The following FRMD3 variants were observed in gnomAD, a reference collection of about 807,000 sequenced individuals.
FRMD3 encodes the protein FERM domain-containing protein 3.
A neutral mutation model predicts 70.2 loss-of-function variants in FRMD3; 33 were observed. That is an observed-to-expected ratio of 0.47 (90% CI 0.36 to 0.63). FRMD3 has a LOEUF of 0.63. Among genes scored for constraint, FRMD3 ranks in the 20% least tolerant of loss-of-function variants. The probability of loss-of-function intolerance (pLI) is 0.00; values close to 1 mark genes in which losing one functional copy is unlikely to be tolerated. For missense variants in FRMD3, 632 were observed against 711.4 expected, an observed-to-expected ratio of 0.89 and a Z score of 1.27; for synonymous variants, 279 against 255.9, an observed-to-expected ratio of 1.09 and a Z score of -0.86.
intron 1 of FRMD3, among the ~76,000 whole-genome samples, chr9:83,528,923 C>T (rs374278604): frequency 4.6e-5 from 7 of 152,028 alleles, no homozygotes; most frequent in Admixed American, 2.6e-4. Flanking sequence ...TTAAAATATT[C>T]GATTATTGAT....
chr9:83,582,426 T>C, the FRMD3 span, among the ~76,000 whole-genome samples: 1 of 152,266 alleles, frequency 6.6e-6, no homozygotes, highest in Non-Finnish European at 1.5e-5. Context: ...TTAAACTTGA[T>C]TTATTAGGGA....
intron 1 of FRMD3, among the ~76,000 whole-genome samples, chr9:83,438,356 GGA>G (rs1211962181): frequency 6.6e-6 from 1 of 152,130 alleles, no homozygotes; most frequent in African/African-American, 2.4e-5. Flanking sequence ...CGGTATTTAG[GGA>G]GAGTCACAAA....
rs1389386803 is a variant in FRMD3 at position 83,419,519 on chromosome 9, A to T, written c.148-29811T>A. 2.0e-5 allele frequency among the ~76,000 whole-genome samples: 3 copies of T among 148,000 alleles called. No homozygotes were observed. The South Asian group carries it at 6.5e-4, about 32-fold the overall frequency. ...TGTTCATGTGTGTTGAGTGTGTGTG[A>T]TATGTGTTCATGTGTGCTGAGTGTG... On this transcript the variant is annotated intron_variant, in intron 1 of 13. Coordinates refer to ENST00000304195, the MANE Select transcript of FRMD3 (RefSeq NM_174938.6).
At chr9:83,421,378 G>A (rs1375038933) in intron 1 of FRMD3, among the ~76,000 whole-genome samples, 2 of 152,202 alleles carry the variant, frequency 1.3e-5, no homozygotes, top group East Asian at 1.9e-4. Context: ...TCCTCATCAT[G>A]GCCTTGCAAT....
chr9:83,268,179 G>A (rs1259210188), intron 13 of FRMD3, among the ~76,000 whole-genome samples: 2 of 152,132 alleles, frequency 1.3e-5, no homozygotes, highest in African/African-American at 2.4e-5. Context: ...ATTTCAACAC[G>A]CCTGCATACA....
At chr9:83,415,553 C>T (rs7027700) in intron 1 of FRMD3, among the ~76,000 whole-genome samples, 2,232 of 150,866 alleles carry the variant, frequency 0.015, 54 homozygotes, top group African/African-American at 0.051. Context: ...CACCATACTC[C>T]TGCTTCAGCC....
intron 5 of FRMD3, among the ~76,000 whole-genome samples, chr9:83,342,733 T>TAGAA (rs1212687412): frequency 1.0e-5 from 1 of 98,658 alleles, no homozygotes; most frequent in East Asian, 2.6e-4. Context: ...GATAGATAGA[T>TAGAA]AGTTAGATAG....
In FRMD3 at chr9:83,312,875, G is replaced by C. The variant is rs115127829; in HGVS notation, c.684+785C>G. On this transcript the variant is annotated intron_variant, in intron 7 of 13. Transcript: ENST00000304195. ...GTGTTTCTAATGAGCAGCCCAAGCT[G>C]AGACCTATAGGACTAATGCTTTGCC... 7.7e-3 allele frequency among the ~76,000 whole-genome samples: 1,166 copies of C among 152,250 alleles called. 17 individuals carry two copies. The highest frequency in any genetic ancestry group is 0.026 in the African/African-American group (1,074 of 41,522).
intron 1 of FRMD3, among the ~76,000 whole-genome samples, chr9:83,413,885 C>T (rs545157496): frequency 6.6e-6 from 1 of 152,234 alleles, no homozygotes; most frequent in Admixed American, 6.5e-5. Flanking sequence ...TGTAGCCAGG[C>T]ATTGTCTATT....
intron 1 of FRMD3, among the ~76,000 whole-genome samples, chr9:83,490,645 G>A (rs1196374475): frequency 6.6e-6 from 1 of 152,034 alleles, no homozygotes; most frequent in African/African-American, 2.4e-5. Context: ...AGATTCGTAG[G>A]AAACTTGGAT....
At chr9:83,483,155 C>G (rs1828608003) in intron 1 of FRMD3, among the ~76,000 whole-genome samples, 1 of 152,204 alleles carries the variant, frequency 6.6e-6, no homozygotes, top group African/African-American at 2.4e-5. Context: ...TTTCCCCTTG[C>G]TGTTCTCGTG....
intron 1 of FRMD3, among the ~76,000 whole-genome samples, chr9:83,533,629 A>G (rs1829832946): frequency 6.6e-6 from 1 of 152,212 alleles, no homozygotes; most frequent in African/African-American, 2.4e-5. Flanking sequence ...GTTAGCACTC[A>G]TCCATTCAAC....
At chr9:83,318,304 C>T (rs1041651523) in intron 6 of FRMD3, among the ~76,000 whole-genome samples, 8 of 152,102 alleles carry the variant, frequency 5.3e-5, no homozygotes, top group Non-Finnish European at 8.8e-5. Flanking sequence ...TATGCCCATG[C>T]GTCTTCATTG....
At chr9:83,384,701 C>T (rs1825462192) in intron 2 of FRMD3, among the ~76,000 whole-genome samples, 1 of 152,130 alleles carries the variant, frequency 6.6e-6, no homozygotes, top group African/African-American at 2.4e-5. Context: ...ATCTGGTAGA[C>T]ATTAAGACAC....
chr9:83,247,090 A>G lies in FRMD3; in HGVS notation c.*828T>C, dbSNP rs1397707610. On this transcript the variant is annotated 3_prime_UTR_variant, in exon 14 of 14. Coordinates refer to ENST00000304195, the MANE Select transcript of FRMD3 (RefSeq NM_174938.6). ...CAGCCAAAATATACGGACAGAATAC[A>G]AATGAAAATAACAAGTCCTCTTGTC... is the stretch of plus-strand genomic sequence containing the variant. 7.1e-6 allele frequency: 7 copies of G among 985,332 alleles called. No individual in the cohort carries two copies. Among genetic ancestry groups the G allele is most frequent in the Non-Finnish European group, 1.2e-6 (1 of 829,936 alleles). 61.0% of individuals were successfully genotyped at this position (985,332 alleles called of 1,614,324 possible).
chr9:83,506,046 G>A (rs925532144), intron 1 of FRMD3, among the ~76,000 whole-genome samples: 1 of 152,152 alleles, frequency 6.6e-6, no homozygotes, highest in Non-Finnish European at 1.5e-5. Flanking sequence ...GGTCAGCTGC[G>A]CTGGTCAGCT....
chr9:83,499,915 G>T (rs1459202794), intron 1 of FRMD3, among the ~76,000 whole-genome samples: 1 of 152,138 alleles, frequency 6.6e-6, no homozygotes, highest in Non-Finnish European at 1.5e-5. Context: ...ATATTGTTCA[G>T]CAATAAAAAG....
intron 6 of FRMD3, among the ~76,000 whole-genome samples, chr9:83,329,689 C>T (rs10867991): frequency 0.44 from 66,501 of 152,046 alleles, 14,924 homozygotes; most frequent in Admixed American, 0.5. Flanking sequence ...CTCACTGCCC[C>T]GGATCATTAT....
chr9:83,492,205 C>T (rs944972014), intron 1 of FRMD3, among the ~76,000 whole-genome samples: 1 of 152,178 alleles, frequency 6.6e-6, no homozygotes, highest in Non-Finnish European at 1.5e-5. Flanking sequence ...ATGAAAGCCT[C>T]TTTCCACTAG....
Sources: allele counts gnomAD v4.1 joint callset (sites outside exome capture counted in the v4.1 genomes callset), GRCh38; gene constraint gnomAD v4.1.1; transcripts MANE v1.5; gene names NCBI Gene and HGNC (gene_info 2026-07-23, HGNC 2026-07-21).